The following ARHGAP10 variants were observed in gnomAD, a reference collection of about 807,000 sequenced individuals.
ARHGAP10 encodes the protein rho GTPase-activating protein 10.
A neutral mutation model predicts 108.6 loss-of-function variants in ARHGAP10; 87 were observed. The ratio of observed to expected loss-of-function variants is 0.80; its 90% confidence interval spans 0.67 to 0.96. The LOEUF (loss-of-function observed/expected upper bound fraction) is 0.96. ARHGAP10 is among the 40% of genes least tolerant of loss of function. ARHGAP10 has a pLI of 0.00. For missense variants in ARHGAP10, 939 were observed against 954.5 expected (o/e 0.98, Z 0.21); for synonymous variants, 347 against 341.1 (o/e 1.02, Z -0.19).
intron 18 of ARHGAP10, among the ~76,000 whole-genome samples, chr4:147,987,942 A>T (rs1184712931): frequency 6.6e-6 from 1 of 152,234 alleles, no homozygotes; most frequent in African/African-American, 2.4e-5. Context: ...ACTTTTACTT[A>T]TGCCACTTTG....
At chr4:147,874,409 T>C (rs1734976486) in intron 7 of ARHGAP10, among the ~76,000 whole-genome samples, 3 of 152,188 alleles carry the variant, frequency 2.0e-5, no homozygotes, top group Non-Finnish European at 4.4e-5. Flanking sequence ...GTTTCAGAAA[T>C]GTGATTTGTC....
At chr4:147,908,250 C>G (rs1404836825) in intron 11 of ARHGAP10, among the ~76,000 whole-genome samples, 1 of 152,134 alleles carries the variant, frequency 6.6e-6, no homozygotes, top group Non-Finnish European at 1.5e-5. Context: ...TACTAGTCTT[C>G]TTTAGTAAAG....
chr4:147,746,820 G>T (rs897776147), intron 1 of ARHGAP10, among the ~76,000 whole-genome samples: 1 of 152,170 alleles, frequency 6.6e-6, no homozygotes, highest in Non-Finnish European at 1.5e-5. Flanking sequence ...TAGATTTATG[G>T]CAGGACATCG....
intron 18 of ARHGAP10, among the ~76,000 whole-genome samples, chr4:148,019,039 C>T (rs959443660): frequency 1.3e-5 from 2 of 152,206 alleles, no homozygotes; most frequent in South Asian, 2.1e-4. Flanking sequence ...TCCAAAATTT[C>T]AGTGCTAAAG....
chr4:147,945,879 A>G (rs937868093), intron 14 of ARHGAP10, among the ~76,000 whole-genome samples: 2 of 152,140 alleles, frequency 1.3e-5, no homozygotes, highest in African/African-American at 4.8e-5. Context: ...CTCAGCAAAG[A>G]GAGGGGGTCC....
intron 1 of ARHGAP10, among the ~76,000 whole-genome samples, chr4:147,736,951 A>G (rs1321391738): frequency 6.6e-6 from 1 of 152,078 alleles, no homozygotes; most frequent in African/African-American, 2.4e-5. Context: ...TTCTCTCATG[A>G]TGCCTGGGAC....
chr4:148,047,123 AGC>A (rs1360395725), intron 20 of ARHGAP10, 72 bp downstream of exon 20: 3 of 1,556,840 alleles, frequency 1.9e-6, no homozygotes, highest in Non-Finnish European at 2.6e-6. Flanking sequence ...AGTTTCCATG[AGC>A]AGTGACCTGT....
At chr4:147,774,540 C>T (rs1271835216) in intron 1 of ARHGAP10, among the ~76,000 whole-genome samples, 1 of 152,150 alleles carries the variant, frequency 6.6e-6, no homozygotes, top group Non-Finnish European at 1.5e-5. Context: ...CCTCAGGTTT[C>T]TTTATTCTAT....
intron 11 of ARHGAP10, 73 bp from the exon 12 acceptor site, chr4:147,909,659 C>A: frequency 8.0e-7 from 1 of 1,245,894 alleles, no homozygotes; most frequent in South Asian, 1.3e-5. Flanking sequence ...TTTGTATGGT[C>A]CTCAGTGTGC....
chr4:148,072,021 A>C lies in ARHGAP10; in HGVS notation c.2301A>C (p.Leu767=), dbSNP rs150358309. The C allele has an allele frequency of 5.6e-6, 9 of 1,613,594 alleles. No individual in the cohort carries two copies. In the African/African-American group the frequency reaches 1.2e-4, roughly 22 times the overall value. The change falls in exon 23 of 23, where the codon CTA becomes CTC. Residue 767 remains leucine, a synonymous_variant. Coordinates refer to ENST00000336498, the MANE Select transcript of ARHGAP10 (RefSeq NM_024605.4). ...DVQTSREPGW[L]EGTLNGKRGL... ...AAACCTCCAGGGAACCTGGCTGGCT[A>C]GAAGGGACTCTGAACGGCAAGAGGG...
chr4:147,904,737 G>A (rs923482907), intron 10 of ARHGAP10, among the ~76,000 whole-genome samples: 3 of 152,156 alleles, frequency 2.0e-5, no homozygotes, highest in African/African-American at 7.2e-5. Flanking sequence ...AGTCCTTTGG[G>A]TATATACCCA....
intron 20 of ARHGAP10, among the ~76,000 whole-genome samples, chr4:148,056,690 T>C (rs1729377696): frequency 6.6e-6 from 1 of 152,194 alleles, no homozygotes; most frequent in South Asian, 2.1e-4. Flanking sequence ...CCAATAATGT[T>C]CTTTCTCTGT....
chr4:148,068,461 T>C (rs1730001377), intron 22 of ARHGAP10, among the ~76,000 whole-genome samples: 1 of 152,118 alleles, frequency 6.6e-6, no homozygotes, highest in Non-Finnish European at 1.5e-5. Flanking sequence ...AGCGATGTGG[T>C]TGCCAGATAG....
At chr4:147,922,146 C>T (rs948974780) in intron 13 of ARHGAP10, among the ~76,000 whole-genome samples, 52 of 151,814 alleles carry the variant, frequency 3.4e-4, no homozygotes, top group African/African-American at 1.1e-3. Context: ...GAGGGGTGAA[C>T]GAGGGTCAAA....
intron 1 of ARHGAP10, among the ~76,000 whole-genome samples, chr4:147,821,904 C>T (rs1395002380): frequency 6.6e-6 from 1 of 152,212 alleles, no homozygotes; most frequent in African/African-American, 2.4e-5. Flanking sequence ...AGCAAGCCTT[C>T]GCTGCTATTG....
chr4:147,824,493 C>T (rs527747117), intron 3 of ARHGAP10, among the ~76,000 whole-genome samples: 2 of 152,200 alleles, frequency 1.3e-5, no homozygotes, highest in South Asian at 2.1e-4. Context: ...TCCGTTCTTA[C>T]AGTGCTATGA....
At chr4:147,918,160 G>C (rs904828780) in intron 13 of ARHGAP10, among the ~76,000 whole-genome samples, 3 of 115,734 alleles carry the variant, frequency 2.6e-5, no homozygotes, top group South Asian at 5.1e-4. Context: ...TTTTGAGACA[G>C]AGTCTTGCTC....
At chr4:148,018,690 C>G (rs900422603) in intron 18 of ARHGAP10, among the ~76,000 whole-genome samples, 16 of 152,130 alleles carry the variant, frequency 1.1e-4, no homozygotes, top group Admixed American at 1.0e-3. Flanking sequence ...AGCTATTCCC[C>G]ATTTTACTCT....
intron 3 of ARHGAP10, among the ~76,000 whole-genome samples, chr4:147,832,176 A>C (rs1732977291): frequency 6.6e-6 from 1 of 152,070 alleles, no homozygotes; most frequent in Non-Finnish European, 1.5e-5. Context: ...TGATTCGATT[A>C]TTGGGAATGT....
Sources: gnomAD v4.1 joint callset for allele counts (sites outside exome capture counted in the v4.1 genomes callset) on GRCh38, gnomAD v4.1.1 for gene constraint, MANE v1.5 for transcripts, NCBI Gene and HGNC (gene_info 2026-07-23, HGNC 2026-07-21) for gene names.